The following ZNF180 variants were observed in gnomAD, a reference collection of about 807,000 sequenced individuals.
ZNF180 encodes zinc finger protein 180, also known as zinc finger protein 180 (HHZ168).
Under a neutral mutation model 11.8 loss-of-function variants are expected in ZNF180, and 11 were observed. The observed-to-expected ratio is 0.93, with a 90% CI of 0.59 to 1.55. The LOEUF is 1.55. Ranked by LOEUF, ZNF180 falls within the 40% of genes most tolerant of loss-of-function variation. ZNF180 has a pLI of 0.00. For synonymous variants in ZNF180, 287 were observed against 257.7 expected (o/e 1.11, Z -1.09); for missense variants, 773 against 781.7 (o/e 0.99, Z 0.13).
At chr19:44,478,418 A>G (rs1969990677) in intron 4 of ZNF180, among the ~76,000 whole-genome samples, 1 of 152,224 alleles carries the variant, frequency 6.6e-6, no homozygotes, top group Non-Finnish European at 1.5e-5. Flanking sequence ...ATACCTGCAT[A>G]TTCCAAAATA....
At chr19:44,484,714 T>C (rs1970178345) in intron 2 of ZNF180, 1 of 497,076 alleles carries the variant, frequency 2.0e-6, no homozygotes, top group African/African-American at 1.9e-5. Flanking sequence ...GCTGACTGAG[T>C]GATCCAAGAC....
At position 44,476,711 on chromosome 19, in the gene ZNF180, A is replaced by AT. The variant is rs757495569; in HGVS notation, c.1688dup (p.Tyr563Ter). 1 of 1,614,210 alleles carries AT rather than the reference A, an allele frequency of 6.2e-7. No homozygotes were observed. The highest frequency in any genetic ancestry group is 8.5e-7 in the Non-Finnish European group (1 of 1,180,020). ...NQCGKSFSQS[Y>*]VLVVHQRTHT... is the part of the protein sequence containing the mutation. ...GAGTTCTCTGATGTACAACAAGAAC[A>AT]TAACTCTGGCTGAAGGATTTCCCAC... Residue 563 changes from tyrosine (Y) to a stop codon, truncating the protein, a stop_gained and frameshift_variant, in exon 5 of 5, where the codon TAT becomes TAAT. Coordinates refer to ENST00000592529, the MANE Select transcript of ZNF180 (RefSeq NM_001278509.3). LOFTEE classifies it low-confidence loss of function (END_TRUNC).
At chr19:44,497,831 C>T (rs1338614459) in intron 1 of ZNF180, among the ~76,000 whole-genome samples, 1 of 152,192 alleles carries the variant, frequency 6.6e-6, no homozygotes, top group East Asian at 1.9e-4. Context: ...CAGAATCACA[C>T]TCACTGCCTA....
At position 44,477,197 on chromosome 19, in the gene ZNF180, T is replaced by C. The variant is rs770854080; in HGVS notation, c.1203A>G (p.Gln401=). 3 of 1,614,034 alleles carry C rather than the reference T, an allele frequency of 1.9e-6. No individual in the cohort carries two copies. Among genetic ancestry groups the C allele is most frequent in the Non-Finnish European group, 2.5e-6 (3 of 1,179,970 alleles). ...FSQSYVLVVH[Q]RTHTGEKPYE... ...AAGGCTTCTCCCCAGTATGAGTTCT[T>C]TGATGCACAACAAGGACATAACTCT... is the stretch of plus-strand genomic sequence containing the variant. The change falls in exon 5 of 5, where the codon CAA becomes CAG. Residue 401 remains glutamine, a synonymous_variant. Coordinates refer to ENST00000592529, the MANE Select transcript of ZNF180 (RefSeq NM_001278509.3).
chr19:44,493,058 C>G (rs1273505979), intron 2 of ZNF180, among the ~76,000 whole-genome samples: 1 of 152,212 alleles, frequency 6.6e-6, no homozygotes, highest in African/African-American at 2.4e-5. Context: ...ATCATCCTGA[C>G]AAGAGGATCC....
intron 2 of ZNF180, among the ~76,000 whole-genome samples, chr19:44,494,267 A>G (rs4803719): frequency 0.31 from 46,462 of 151,980 alleles, 7,891 homozygotes; most frequent in African/African-American, 0.44. Flanking sequence ...TAATGAACAG[A>G]CTTCTAATTC....
intron 2 of ZNF180, among the ~76,000 whole-genome samples, chr19:44,493,285 G>T (rs780642727): frequency 8.5e-5 from 13 of 152,234 alleles, no homozygotes; most frequent in Non-Finnish European, 1.8e-4. Context: ...GTAGGGCTCA[G>T]AGTTGGCTCA....
At chr19:44,484,847 A>C in intron 2 of ZNF180, 1 of 176,020 alleles carries the variant, frequency 5.7e-6, no homozygotes, top group Non-Finnish European at 1.2e-5. Context: ...AAAGAAAAAG[A>C]TCAACAAATT....
chr19:44,490,186 G>A (rs573409401), intron 2 of ZNF180, among the ~76,000 whole-genome samples: 7 of 149,270 alleles, frequency 4.7e-5, no homozygotes, highest in South Asian at 2.1e-4. Context: ...GAGGGAGGGA[G>A]GGAGGGAGGA....
In ZNF180 at chr19:44,474,771, G is replaced by C. The variant is rs1160329419; in HGVS notation, c.*1631C>G. On this transcript the variant is annotated 3_prime_UTR_variant, in exon 5 of 5. Coordinates refer to ENST00000592529, the MANE Select transcript of ZNF180 (RefSeq NM_001278509.3). Reference sequence around the variant, plus strand: ...AGCCTGGAACACATCCTTCCCAAGAGATACTGAACCTCTTTCAGACTCATT... The same window carrying C: ...AGCCTGGAACACATCCTTCCCAAGACATACTGAACCTCTTTCAGACTCATT... The C allele has an allele frequency of 6.6e-6, 1 of 152,254 alleles. No individual in the cohort carries two copies. Among genetic ancestry groups the C allele is most frequent in the Non-Finnish European group, 1.5e-5 (1 of 68,066 alleles). 9.4% of individuals were successfully genotyped at this position (152,254 alleles called of 1,614,324 possible).
chr19:44,478,224 A>G lies in ZNF180; in HGVS notation c.254-78T>C, dbSNP rs1159381531. ...AATGGAATAAAGCTAACAAGAAAGT[A>G]TGAAAAATATATATGAATTTGTTTT... On this transcript the variant is annotated intron_variant, in intron 4 of 4. Coordinates refer to ENST00000592529, the MANE Select transcript of ZNF180 (RefSeq NM_001278509.3). The G allele has an allele frequency of 2.2e-6, 3 of 1,381,964 alleles. No individual in the cohort carries two copies. The African/African-American group carries it at 4.4e-5, about 20-fold the overall frequency. 85.6% of individuals were successfully genotyped at this position (1,381,964 alleles called of 1,614,324 possible).
At chr19:44,489,185 C>T (rs1279555746) in intron 2 of ZNF180, among the ~76,000 whole-genome samples, 4 of 55,344 alleles carry the variant, frequency 7.2e-5, no homozygotes, top group Admixed American at 2.9e-4. Flanking sequence ...CCAGCCGCCC[C>T]GTCTGGGAGG....
At chr19:44,479,150 G>A in intron 4 of ZNF180, 133 bp downstream of exon 4, 1 of 1,048,038 alleles carries the variant, frequency 9.5e-7, no homozygotes, top group East Asian at 2.6e-5. Context: ...TCTTCACTGG[G>A]GAATAAAGAG....
chr19:44,489,075 G>A lies in ZNF180; in HGVS notation c.52-4640C>T, dbSNP rs547717533. 3.5e-3 allele frequency among the ~76,000 whole-genome samples: 455 copies of A among 130,482 alleles called. 1 individual carries two copies. The highest frequency in any genetic ancestry group is 0.01 in the Admixed American group (129 of 12,774). 85.6% of individuals were successfully genotyped at this position (130,482 alleles called of 152,430 possible). A position where few individuals can be genotyped will look rare whatever the true frequency, so the allele number is the denominator to read the frequency against. ...GGGAGGTGGGGGTCAGCCCCCGCCC[G>A]GCCAGCCGCCCCGTCCGGGAGGGAG... On this transcript the variant is annotated intron_variant, in intron 2 of 4. Transcript: ENST00000592529.
intron 1 of ZNF180, among the ~76,000 whole-genome samples, chr19:44,499,077 G>A (rs1245476859): frequency 6.6e-6 from 1 of 152,154 alleles, no homozygotes; most frequent in Non-Finnish European, 1.5e-5. Flanking sequence ...AGGTTCTGGG[G>A]TCAACTGCCC....
intron 1 of ZNF180, 150 bp from the exon 2 acceptor site, chr19:44,497,527 C>G: frequency 4.0e-6 from 3 of 749,100 alleles, no homozygotes; most frequent in Non-Finnish European, 6.2e-6. Flanking sequence ...TGCCCAAATA[C>G]CTGTGTATGT....
At chr19:44,478,361 A>C (rs1969989551) in intron 4 of ZNF180, among the ~76,000 whole-genome samples, 1 of 152,250 alleles carries the variant, frequency 6.6e-6, no homozygotes, top group Non-Finnish European at 1.5e-5. Flanking sequence ...GAACTATTGT[A>C]ATCTTGGTTT....
chr19:44,490,419 C>G (rs1970422746), intron 2 of ZNF180, among the ~76,000 whole-genome samples: 1 of 152,148 alleles, frequency 6.6e-6, no homozygotes, highest in Non-Finnish European at 1.5e-5. Flanking sequence ...AACCAAACTA[C>G]AGATGGTACA....
chr19:44,477,892 C>A lies in ZNF180; in HGVS notation c.508G>T (p.Glu170Ter), dbSNP rs780348186. ...ERVCKSDETG[E>*]KSGLNSSLFS... Reference sequence around the variant, plus strand: ...AGACTGGAATTCAGACCACTCTTCTCCCCAGTTTCATCACTTTTGCAGACT... The same window carrying A: ...AGACTGGAATTCAGACCACTCTTCTACCCAGTTTCATCACTTTTGCAGACT... The change falls in exon 5 of 5, where the codon GAG becomes TAG. Residue 170 changes from glutamate to a stop codon, truncating the protein, a stop_gained. Coordinates refer to ENST00000592529, the MANE Select transcript of ZNF180 (RefSeq NM_001278509.3). LOFTEE classifies it low-confidence loss of function (END_TRUNC). 4.3e-6 allele frequency: 7 copies of A among 1,613,820 alleles called. No homozygotes were observed. The East Asian group carries it at 1.3e-4, about 31-fold the overall frequency.
Sources: gnomAD v4.1 joint callset for allele counts (sites outside exome capture counted in the v4.1 genomes callset) on GRCh38, gnomAD v4.1.1 for gene constraint, MANE v1.5 for transcripts, NCBI Gene and HGNC (gene_info 2026-07-23, HGNC 2026-07-21) for gene names.